BBS9: variants seen among roughly 807,000 people sequenced by gnomAD.
The protein encoded by BBS9 is protein PTHB1.
A neutral mutation model predicts 117.7 loss-of-function variants in BBS9; 89 were observed. The observed-to-expected ratio is 0.76, with a 90% CI of 0.64 to 0.90. BBS9 has a LOEUF of 0.90. Among genes scored for constraint, BBS9 ranks in the 40% least tolerant of loss-of-function variants. BBS9 has a pLI of 0.00. For missense variants in BBS9, 982 were observed against 1,042.2 expected, an observed-to-expected ratio of 0.94 and a Z score of 0.80; for synonymous variants, 379 against 370.9, an observed-to-expected ratio of 1.02 and a Z score of -0.25.
At chr7:33,136,600 A>T (rs1790500664) in intron 1 of BBS9, among the ~76,000 whole-genome samples, 1 of 152,100 alleles carries the variant, frequency 6.6e-6, no homozygotes, top group South Asian at 2.1e-4. Flanking sequence ...GTGGCTTTTG[A>T]TTTAGATTGT....
chr7:33,192,790 TG>T (rs1784337991), intron 5 of BBS9, among the ~76,000 whole-genome samples: 1 of 152,198 alleles, frequency 6.6e-6, no homozygotes, highest in South Asian at 2.1e-4. Context: ...TCCTCATAGA[TG>T]GCACCACCTT....
intron 19 of BBS9, among the ~76,000 whole-genome samples, chr7:33,428,981 A>T (rs1834034718): frequency 6.6e-6 from 1 of 152,158 alleles, no homozygotes; most frequent in African/African-American, 2.4e-5. Context: ...GTCAAATGAT[A>T]TATCTTTTGG....
chr7:33,168,584 A>G (rs914125073), intron 4 of BBS9, among the ~76,000 whole-genome samples: 1 of 152,170 alleles, frequency 6.6e-6, no homozygotes, highest in South Asian at 2.1e-4. Context: ...GCTAATTTTA[A>G]TAAAATCTCA....
chr7:33,541,080 G>A (rs6944252), intron 21 of BBS9, among the ~76,000 whole-genome samples: 69,965 of 151,528 alleles, frequency 0.46, 16,738 homozygotes, highest in South Asian at 0.57. Flanking sequence ...TTCCATCTTC[G>A]TGCTCCCCTG....
chr7:33,219,017 G>A (rs967691019), intron 5 of BBS9, among the ~76,000 whole-genome samples: 6 of 152,226 alleles, frequency 3.9e-5, no homozygotes, highest in African/African-American at 1.4e-4. Flanking sequence ...CGGCGCTTGC[G>A]GGCCAGCTGG....
At chr7:33,512,932 A>T (rs942315729) in intron 20 of BBS9, among the ~76,000 whole-genome samples, 5 of 152,000 alleles carry the variant, frequency 3.3e-5, no homozygotes, top group African/African-American at 1.2e-4. Flanking sequence ...CTTTTTGCCC[A>T]TGTCTCTGCA....
Position 33,153,258 on chromosome 7 carries a change from A to G in BBS9, c.263+407A>G, listed in dbSNP as rs143449253. 6.9e-4 allele frequency among the ~76,000 whole-genome samples: 105 copies of G among 152,342 alleles called. 2 individuals are homozygous for G. In the East Asian group the frequency reaches 0.019, roughly 28 times the overall value. ...TTTAAAATGAATAGTTATTTGGGGT[A>G]GAGATGCCCTATCGTTTCTTGAAAG... On this transcript the variant is annotated intron_variant, in intron 3 of 22. Coordinates refer to ENST00000242067, the MANE Select transcript of BBS9 (RefSeq NM_198428.3).
At chr7:33,215,104 A>T (rs576620954) in intron 5 of BBS9, among the ~76,000 whole-genome samples, 1 of 152,334 alleles carries the variant, frequency 6.6e-6, no homozygotes, top group African/African-American at 2.4e-5. Flanking sequence ...AGGCAGGAGA[A>T]TGGTGTGAAC....
At chr7:33,146,068 C>A (rs978601272) in intron 1 of BBS9, among the ~76,000 whole-genome samples, 174 bp from the exon 2 acceptor site, 15 of 152,170 alleles carry the variant, frequency 9.9e-5, no homozygotes, top group African/African-American at 3.4e-4. Context: ...TGCAAAATAT[C>A]TGATTAATGC....
chr7:33,449,739 G>A (rs1379928645), intron 19 of BBS9, among the ~76,000 whole-genome samples: 1 of 152,150 alleles, frequency 6.6e-6, no homozygotes, highest in Non-Finnish European at 1.5e-5. Flanking sequence ...TCAACCAACT[G>A]TATTTCTTAT....
rs573012154 is a variant in BBS9, at chr7:33,556,485, C to T, written c.2521+22309C>T. 5.3e-5 allele frequency among the ~76,000 whole-genome samples: 8 copies of T among 152,280 alleles called. No individual in the cohort carries two copies. The South Asian group carries it at 6.2e-4, about 12-fold the overall frequency. ...TTTATACTGTTTCTCAAATTAGCCT[C>T]AGAAATTTCAGCATTGGAAAATTAG... On this transcript the variant is annotated intron_variant, in intron 21 of 22. Transcript: ENST00000242067.
chr7:33,334,233 T>C (rs1013375835), intron 9 of BBS9, among the ~76,000 whole-genome samples: 16 of 152,192 alleles, frequency 1.1e-4, no homozygotes, highest in Non-Finnish European at 1.3e-4. Flanking sequence ...GATTTAGTAA[T>C]AAACCTTTCA....
intron 5 of BBS9, among the ~76,000 whole-genome samples, chr7:33,212,005 G>A (rs1037788373): frequency 4.6e-5 from 7 of 152,098 alleles, no homozygotes; most frequent in Non-Finnish European, 8.8e-5. Flanking sequence ...GATTTTTTCT[G>A]TATCGTTGAC....
At chr7:33,396,938 C>A (rs997100715) in intron 19 of BBS9, among the ~76,000 whole-genome samples, 4 of 152,238 alleles carry the variant, frequency 2.6e-5, no homozygotes, top group Admixed American at 2.6e-4. Flanking sequence ...GCTGGGAGAG[C>A]TAGCTAGCCA....
At chr7:33,593,379 T>C (rs950575664) in intron 21 of BBS9, among the ~76,000 whole-genome samples, 1 of 152,162 alleles carries the variant, frequency 6.6e-6, no homozygotes, top group Non-Finnish European at 1.5e-5. Context: ...TTGAAGACTT[T>C]AACAAAATAG....
chr7:33,461,215 AC>A (rs1839425468), intron 19 of BBS9, among the ~76,000 whole-genome samples: 1 of 151,848 alleles, frequency 6.6e-6, no homozygotes. Flanking sequence ...GTGTTTGAGT[AC>A]CTGTATTCAG....
chr7:33,145,928 G>A (rs1792272979), intron 1 of BBS9, among the ~76,000 whole-genome samples: 1 of 152,156 alleles, frequency 6.6e-6, no homozygotes, highest in Admixed American at 6.5e-5. Context: ...AGTGCTGATG[G>A]AATTTGAATC....
intron 17 of BBS9, among the ~76,000 whole-genome samples, chr7:33,377,632 T>C (rs532380124): frequency 2.0e-5 from 3 of 152,380 alleles, no homozygotes; most frequent in South Asian, 2.1e-4. Context: ...TTCGATGATA[T>C]TGATTCTTCC....
intron 19 of BBS9, among the ~76,000 whole-genome samples, chr7:33,422,856 C>T (rs750972573): frequency 6.6e-6 from 1 of 152,254 alleles, no homozygotes; most frequent in Middle Eastern, 3.4e-3. Context: ...GCAATCCTCT[C>T]GCCTTTTCCT....
Sources: allele counts gnomAD v4.1 joint callset (sites outside exome capture counted in the v4.1 genomes callset), GRCh38; gene constraint gnomAD v4.1.1; transcripts MANE v1.5; gene names NCBI Gene and HGNC (gene_info 2026-07-23, HGNC 2026-07-21).